ZFPM2: variants seen among roughly 807,000 people sequenced by gnomAD.
ZFPM2 encodes zinc finger protein, FOG family member 2.
Under a neutral mutation model 98.6 loss-of-function variants are expected in ZFPM2, and 20 were observed. The ratio of observed to expected loss-of-function variants is 0.20; its 90% CI spans 0.14 to 0.29. ZFPM2 has a LOEUF of 0.29. Among genes scored for constraint, ZFPM2 ranks in the 10% least tolerant of loss-of-function variants. The pLI is 1.00. For synonymous variants in ZFPM2, 518 were observed against 502.7 expected, an observed-to-expected ratio of 1.03 and a Z score of -0.41; for missense variants, 1,310 against 1,388.6, an observed-to-expected ratio of 0.94 and a Z score of 0.90.
intron 2 of ZFPM2, among the ~76,000 whole-genome samples, chr8:105,441,535 A>G (rs971585154): frequency 2.0e-5 from 3 of 149,844 alleles, no homozygotes; most frequent in African/African-American, 7.4e-5. Flanking sequence ...GTTGGAGTCT[A>G]TAGGAGTTCA....
intron 1 of ZFPM2, among the ~76,000 whole-genome samples, chr8:105,388,987 G>A (rs1395077379): frequency 1.3e-5 from 2 of 150,168 alleles, no homozygotes; most frequent in Admixed American, 6.7e-5. Context: ...AGCTAATTTA[G>A]AAAACAAAAC....
intron 4 of ZFPM2, among the ~76,000 whole-genome samples, chr8:105,571,510 T>C (rs1008903481): frequency 6.6e-6 from 1 of 152,256 alleles, no homozygotes; most frequent in Admixed American, 6.5e-5. Flanking sequence ...TCCTCTGTTA[T>C]GTGCTGATAG....
At chr8:105,568,978 TC>T (rs1158489879) in intron 4 of ZFPM2, among the ~76,000 whole-genome samples, 1 of 151,452 alleles carries the variant, frequency 6.6e-6, no homozygotes, top group Non-Finnish European at 1.5e-5. Context: ...AAACCCCTAT[TC>T]CCCCCTCCCC....
At chr8:105,638,209 C>A (rs1421432358) in intron 5 of ZFPM2, among the ~76,000 whole-genome samples, 1 of 152,018 alleles carries the variant, frequency 6.6e-6, no homozygotes, top group Non-Finnish European at 1.5e-5. Flanking sequence ...GTGATTAGAG[C>A]ACATCACATA....
At chr8:105,588,348 G>T (rs1392070049) in intron 4 of ZFPM2, among the ~76,000 whole-genome samples, 1 of 151,670 alleles carries the variant, frequency 6.6e-6, no homozygotes, top group African/African-American at 2.4e-5. Context: ...ATTTCTATGG[G>T]AAATGTAGAG....
intron 3 of ZFPM2, among the ~76,000 whole-genome samples, chr8:105,445,041 A>T (rs1812338767): frequency 1.3e-5 from 2 of 152,216 alleles, no homozygotes; most frequent in African/African-American, 4.8e-5. Context: ...TATATTTATA[A>T]ATGGAGACTA....
intron 4 of ZFPM2, among the ~76,000 whole-genome samples, chr8:105,619,455 A>G (rs1187929407): frequency 1.3e-5 from 2 of 152,108 alleles, no homozygotes; most frequent in African/African-American, 4.8e-5. Context: ...TACATAGTAG[A>G]TAACCTATAA....
intron 1 of ZFPM2, among the ~76,000 whole-genome samples, chr8:105,342,975 G>T (rs533159170): frequency 7.7e-4 from 117 of 151,944 alleles, no homozygotes; most frequent in Non-Finnish European, 1.4e-3. Context: ...AGTGCTTAAG[G>T]CTGAGAGGGG....
At chr8:105,661,667 C>T (rs1357094379) in intron 5 of ZFPM2, among the ~76,000 whole-genome samples, 1 of 151,910 alleles carries the variant, frequency 6.6e-6, no homozygotes, top group South Asian at 2.1e-4. Context: ...TCTTTTAATC[C>T]CTGTGGGGCT....
At chr8:105,517,155 A>G (rs1813941375) in intron 3 of ZFPM2, among the ~76,000 whole-genome samples, 1 of 152,206 alleles carries the variant, frequency 6.6e-6, no homozygotes, top group African/African-American at 2.4e-5. Flanking sequence ...TTGTTCCGAT[A>G]TTTTCAGTAA....
intron 5 of ZFPM2, among the ~76,000 whole-genome samples, chr8:105,728,139 C>A (rs1811856467): frequency 6.6e-6 from 1 of 151,556 alleles, no homozygotes; most frequent in African/African-American, 2.4e-5. Flanking sequence ...CCATAGTACT[C>A]ACATTAGAGA....
rs550545766 is a variant in ZFPM2 at position 105,702,745 on chromosome 8, A to C, written c.532+68388A>C. ...ATTTGCCTGACCCTAGAAAAATCGG[A>C]TCATGGATTTGAAAATGGGTATGTA... On this transcript the variant is annotated intron_variant, in intron 5 of 7. Coordinates refer to ENST00000407775, the MANE Select transcript of ZFPM2 (RefSeq NM_012082.4). 1.1e-4 allele frequency among the ~76,000 whole-genome samples: 16 copies of C among 152,280 alleles called. No individual in the cohort carries two copies. The South Asian group carries it at 1.4e-3, about 14-fold the overall frequency.
At chr8:105,748,077 A>G (rs1376832439) in intron 5 of ZFPM2, among the ~76,000 whole-genome samples, 1 of 152,040 alleles carries the variant, frequency 6.6e-6, no homozygotes. Context: ...CAATGCTTTC[A>G]TTGACTTTAT....
chr8:105,499,823 AG>A (rs1813552558), intron 3 of ZFPM2, among the ~76,000 whole-genome samples: 1 of 152,100 alleles, frequency 6.6e-6, no homozygotes, highest in Admixed American at 6.5e-5. Context: ...GCAGAGGTGG[AG>A]GTTGGGGGAA....
At chr8:105,407,155 A>G (rs2130014531) in intron 1 of ZFPM2, among the ~76,000 whole-genome samples, 3 of 131,636 alleles carry the variant, frequency 2.3e-5, no homozygotes, top group Middle Eastern at 7.9e-3. Context: ...ACTTGTTTAT[A>G]TTTTTATAAG....
chr8:105,716,019 T>C (rs897329473), intron 5 of ZFPM2, among the ~76,000 whole-genome samples: 6 of 151,964 alleles, frequency 3.9e-5, no homozygotes, highest in South Asian at 2.1e-4. Context: ...AAGTGCCACA[T>C]TGAAGGACAG....
At chr8:105,451,685 C>G (rs1812487855) in intron 3 of ZFPM2, 1 of 152,134 alleles carries the variant, frequency 6.6e-6, no homozygotes, top group Non-Finnish European at 1.5e-5. Context: ...ACCGATACTT[C>G]GTCATGGCCC....
intron 3 of ZFPM2, among the ~76,000 whole-genome samples, chr8:105,503,162 G>A (rs763514145): frequency 3.3e-5 from 5 of 152,170 alleles, no homozygotes; most frequent in Admixed American, 6.6e-5. Flanking sequence ...TTGTTTCAAG[G>A]TGTGTAAGTG....
intron 6 of ZFPM2, among the ~76,000 whole-genome samples, chr8:105,795,236 C>T (rs1813757776): frequency 7.1e-6 from 1 of 140,872 alleles, no homozygotes; most frequent in South Asian, 2.2e-4. Flanking sequence ...TCCTCCCCCT[C>T]ATTTTATCTT....
Sources: gnomAD v4.1 joint callset for allele counts (sites outside exome capture counted in the v4.1 genomes callset) on GRCh38, gnomAD v4.1.1 for gene constraint, MANE v1.5 for transcripts, NCBI Gene and HGNC (gene_info 2026-07-23, HGNC 2026-07-21) for gene names.